The following PIBF1 variants were observed in gnomAD, a reference collection of about 807,000 sequenced individuals.
PIBF1 encodes progesterone immunomodulatory binding factor 1.
In PIBF1, 90 loss-of-function variants were observed where a neutral mutation model predicts 112.5. The ratio of observed to expected loss-of-function variants is 0.80; its 90% CI spans 0.67 to 0.95. PIBF1 has a LOEUF of 0.95. Ranked by LOEUF, PIBF1 falls within the 40% of genes least tolerant of loss-of-function variation. PIBF1 has a pLI of 0.00. For missense variants in PIBF1, 915 were observed against 852.3 expected (o/e 1.07, Z -0.92); for synonymous variants, 301 against 288.6 (o/e 1.04, Z -0.44).
intron 5 of PIBF1, among the ~76,000 whole-genome samples, chr13:72,800,868 A>C (rs2035436986): frequency 6.6e-6 from 1 of 152,218 alleles, no homozygotes; most frequent in Non-Finnish European, 1.5e-5. Context: ...TATGGAGAGC[A>C]GGGAAGAGAG....
intron 2 of PIBF1, among the ~76,000 whole-genome samples, chr13:72,791,145 C>T (rs1469999282): frequency 1.3e-5 from 2 of 152,086 alleles, no homozygotes; most frequent in Admixed American, 6.5e-5. Context: ...ACCTCCGCCT[C>T]CCGGGTTCAC....
intron 6 of PIBF1, among the ~76,000 whole-genome samples, chr13:72,823,141 C>T (rs183595137): frequency 6.6e-6 from 1 of 152,068 alleles, no homozygotes; most frequent in Admixed American, 6.6e-5. Context: ...GATTATGATG[C>T]TAAGATGATA....
intron 6 of PIBF1, among the ~76,000 whole-genome samples, chr13:72,825,136 A>G (rs912172664): frequency 6.6e-6 from 1 of 152,202 alleles, no homozygotes; most frequent in Non-Finnish European, 1.5e-5. Flanking sequence ...TATGATGATA[A>G]TAGATCCTTG....
At chr13:72,908,986 G>A (rs1385860627) in intron 12 of PIBF1, among the ~76,000 whole-genome samples, 3 of 151,790 alleles carry the variant, frequency 2.0e-5, no homozygotes, top group African/African-American at 4.8e-5. Flanking sequence ...GGCAGAGGTC[G>A]CGTTGAGCCG....
intron 4 of PIBF1, among the ~76,000 whole-genome samples, chr13:72,796,693 C>G (rs541335207): frequency 6.7e-6 from 1 of 150,066 alleles, no homozygotes; most frequent in African/African-American, 2.5e-5. Flanking sequence ...CTTTTCTGTC[C>G]AAAGTATACT....
At chr13:73,007,626 A>G (rs1435113168) in intron 17 of PIBF1, among the ~76,000 whole-genome samples, 1 of 152,126 alleles carries the variant, frequency 6.6e-6, no homozygotes, top group Non-Finnish European at 1.5e-5. Context: ...CCTGACCAAC[A>G]TGGAGAAACC....
At chr13:72,891,997 A>G (rs577524133) in intron 10 of PIBF1, among the ~76,000 whole-genome samples, 17 of 152,218 alleles carry the variant, frequency 1.1e-4, no homozygotes, top group South Asian at 2.1e-4. Flanking sequence ...TTAGAGACAA[A>G]AAGTAGATCA....
intron 17 of PIBF1, among the ~76,000 whole-genome samples, chr13:73,001,340 AATC>A (rs1449663818): frequency 1.3e-5 from 2 of 152,218 alleles, no homozygotes; most frequent in African/African-American, 4.8e-5. Context: ...AGTAAGAGCT[AATC>A]ATTTTATAAT....
chr13:73,007,923 G>A (rs1399566680), intron 17 of PIBF1, among the ~76,000 whole-genome samples: 2 of 152,054 alleles, frequency 1.3e-5, no homozygotes, highest in African/African-American at 4.8e-5. Context: ...TAAAAGCTTA[G>A]AAACTTCCAG....
intron 9 of PIBF1, among the ~76,000 whole-genome samples, chr13:72,853,668 C>T (rs1028296714): frequency 6.6e-6 from 1 of 152,146 alleles, no homozygotes; most frequent in Non-Finnish European, 1.5e-5. Flanking sequence ...TTTGATTCTC[C>T]ACAATATATC....
intron 15 of PIBF1, among the ~76,000 whole-genome samples, chr13:72,972,402 G>A (rs986290952): frequency 4.6e-5 from 7 of 152,136 alleles, no homozygotes; most frequent in African/African-American, 1.7e-4. Flanking sequence ...GGTGGCTCAC[G>A]CCTATAATCC....
chr13:72,794,080 C>T (rs1468959109), intron 3 of PIBF1, among the ~76,000 whole-genome samples: 9 of 151,998 alleles, frequency 5.9e-5, no homozygotes, highest in Admixed American at 5.2e-4. Flanking sequence ...GAAGGAACCA[C>T]AGTAAAATAG....
chr13:72,821,345 G>A (rs998259237), intron 5 of PIBF1, among the ~76,000 whole-genome samples: 2 of 152,158 alleles, frequency 1.3e-5, no homozygotes, highest in African/African-American at 4.8e-5. Context: ...GTAAAGATGT[G>A]TTTCGAGGGT....
intron 2 of PIBF1, among the ~76,000 whole-genome samples, chr13:72,789,368 G>T (rs1479738986): frequency 1.3e-5 from 2 of 151,780 alleles, no homozygotes; most frequent in African/African-American, 2.4e-5. Flanking sequence ...TAATTTTTTT[G>T]TAGAAACAGG....
intron 10 of PIBF1, among the ~76,000 whole-genome samples, chr13:72,868,828 TAAAAAAA>T (rs56290400): frequency 8.8e-6 from 1 of 114,270 alleles, no homozygotes; most frequent in Non-Finnish European, 1.8e-5. Context: ...TCCCAAAAAG[TAAAAAAA>T]AAAAAAAAAA....
At chr13:72,890,389 T>G (rs1410186114) in intron 10 of PIBF1, among the ~76,000 whole-genome samples, 1 of 152,128 alleles carries the variant, frequency 6.6e-6, no homozygotes, top group Non-Finnish European at 1.5e-5. Context: ...CTCCCTGTAC[T>G]TCCAAACCCG....
At chr13:72,943,829 G>A (rs538854101) in intron 14 of PIBF1, among the ~76,000 whole-genome samples, 14 of 152,318 alleles carry the variant, frequency 9.2e-5, no homozygotes, top group African/African-American at 2.4e-4. Flanking sequence ...TTTCAAGTTA[G>A]GCAGACTGGT....
intron 14 of PIBF1, among the ~76,000 whole-genome samples, chr13:72,941,330 G>C (rs1405375848): frequency 6.6e-6 from 1 of 152,196 alleles, no homozygotes; most frequent in Non-Finnish European, 1.5e-5. Flanking sequence ...TGTGGAGTTT[G>C]TTAAACAGTA....
intron 9 of PIBF1, among the ~76,000 whole-genome samples, chr13:72,851,796 CCA>C (rs2038170466): frequency 6.6e-6 from 1 of 152,216 alleles, no homozygotes; most frequent in South Asian, 2.1e-4. Context: ...CACAAAAACC[CCA>C]GACTCTGGCA....
Sources: gnomAD v4.1 joint callset for allele counts (sites outside exome capture counted in the v4.1 genomes callset) on GRCh38, gnomAD v4.1.1 for gene constraint, MANE v1.5 for transcripts, NCBI Gene and HGNC (gene_info 2026-07-23, HGNC 2026-07-21) for gene names.